EHMT2: variants seen among roughly 807,000 people sequenced by gnomAD.
The protein encoded by EHMT2 is histone-lysine N-methyltransferase EHMT2.
EHMT2 carries 59 observed loss-of-function variants against 143.3 expected under a neutral mutation model. That is an observed-to-expected ratio of 0.41 (90% CI 0.33 to 0.51). EHMT2 has a LOEUF of 0.51. Among genes scored for constraint, EHMT2 ranks in the 20% least tolerant of loss-of-function variants. EHMT2 has a pLI of 0.18. For missense variants in EHMT2, 1,174 were observed against 1,645.9 expected (o/e 0.71, Z 4.96); for synonymous variants, 604 against 651.5 (o/e 0.93, Z 1.11).
chr6:31,882,853 G>T, intron 24 of EHMT2, 41 bp downstream of exon 24: 1 of 1,611,748 alleles, frequency 6.2e-7, no homozygotes, highest in Non-Finnish European at 8.5e-7. Context: ...GGGAGGAAAG[G>T]GTGAGGTGGG....
chr6:31,887,950 C>T (rs141683580), exon 14 of EHMT2: 682 of 1,592,864 alleles, frequency 4.3e-4, no homozygotes, highest in Non-Finnish European at 5.6e-4. Flanking sequence ...CCCATGCCCT[C>T]GCATCCGGGC....
In EHMT2 at chr6:31,880,662, T is replaced by C. The variant is rs763131251; in HGVS notation, c.3452+11A>G. Reference sequence around the variant, plus strand: ...CCCTGGCAGAGCCCCTAGAGACCCCTAGAGTCTCACCCTAGCTCCTCCCCA... The same window carrying C: ...CCCTGGCAGAGCCCCTAGAGACCCCCAGAGTCTCACCCTAGCTCCTCCCCA... On this transcript the variant is annotated intron_variant, in intron 27 of 27. Transcript: ENST00000375537. The surrounding 1 kb of genome is among the most constrained non-coding windows in gnomAD (Gnocchi z 6.6). 2.5e-6 allele frequency: 4 copies of C among 1,612,966 alleles called. No homozygotes were observed. The highest frequency in any genetic ancestry group is 1.7e-5 in the Admixed American group (1 of 59,984).
intron 18 of EHMT2, chr6:31,886,121 A>C: frequency 6.3e-6 from 1 of 159,230 alleles, no homozygotes; most frequent in Non-Finnish European, 1.4e-5. Flanking sequence ...TAAAGGAAGC[A>C]GAGTTTCTTA....
chr6:31,894,199 T>G (rs1338363644), intron 4 of EHMT2, among the ~76,000 whole-genome samples: 1 of 151,642 alleles, frequency 6.6e-6, no homozygotes, highest in Non-Finnish European at 1.5e-5. Flanking sequence ...CAGGCTGGAG[T>G]GCAATGGCAG....
intron 4 of EHMT2, chr6:31,893,516 G>C: frequency 6.3e-6 from 2 of 318,748 alleles, no homozygotes; most frequent in Admixed American, 4.0e-5. Context: ...TGGTAGAGAA[G>C]AGGTCTTGCC....
At chr6:31,887,473 G>A in intron 15 of EHMT2, 104 bp downstream of exon 15, 1 of 1,007,144 alleles carries the variant, frequency 9.9e-7, no homozygotes, top group Non-Finnish European at 1.5e-6. Context: ...GTCCTTCAGG[G>A]CAAGGACTGT....
chr6:31,882,627 G>A, intron 25 of EHMT2, 72 bp downstream of exon 25: 1 of 1,436,338 alleles, frequency 7.0e-7, no homozygotes. Flanking sequence ...ATGGCTGAGA[G>A]GGAGGCCTGG....
chr6:31,885,008 C>A (rs762038923), exon 19 of EHMT2: 2 of 1,606,950 alleles, frequency 1.2e-6, no homozygotes, highest in Non-Finnish European at 1.7e-6. Flanking sequence ...GCGTCCACCC[C>A]CCACTGTCCT....
At chr6:31,891,805 ATTTCTTTTTTTGT>A (rs1765721616) in intron 7 of EHMT2, among the ~76,000 whole-genome samples, 1 of 152,100 alleles carries the variant, frequency 6.6e-6, no homozygotes, top group African/African-American at 2.4e-5. Flanking sequence ...CTTTCTGGTC[ATTTCTTTTTTTGT>A]TTTCTTTTTT....
At position 31,884,279 on chromosome 6, in the gene EHMT2, T is replaced by C. The variant is rs1764509337; in HGVS notation, c.2771+113A>G. On this transcript the variant is annotated intron_variant, in intron 21 of 27. Transcript: ENST00000375537. The surrounding 1 kb of genome is among the most constrained non-coding windows in gnomAD (Gnocchi z 7.3). ...GGGGGCCTGTGGGTGGTTCTGGGGA[T>C]TCAGTGGTGCATGGGGAGGGGTTGG... 1 of 1,286,940 alleles carries C rather than the reference T, an allele frequency of 7.8e-7. No individual in the cohort carries two copies. The highest frequency in any genetic ancestry group is 1.5e-5 in the African/African-American group (1 of 68,022). The allele number at this position is 1,286,940 out of a possible 1,614,324, so 79.7% of individuals were successfully genotyped here.
chr6:31,885,193 T>C, intron 18 of EHMT2, 177 bp from the exon 19 acceptor site: 1 of 832,614 alleles, frequency 1.2e-6, no homozygotes. Context: ...ATGGGACTAG[T>C]AGGGTCGGGC....
intron 18 of EHMT2, 147 bp from the exon 19 acceptor site, chr6:31,885,163 G>A (rs1022491058): frequency 2.1e-5 from 24 of 1,125,080 alleles, no homozygotes; most frequent in East Asian, 5.4e-5. Flanking sequence ...TCTCTGGGTC[G>A]CAGTTTCTTC....
Position 31,896,533 on chromosome 6 carries a change from C to G in EHMT2, c.329-17G>C. On this transcript the variant is annotated splice_polypyrimidine_tract_variant and intron_variant, in intron 3 of 27. Transcript: ENST00000375537. ...TGGCATGGCCTAGAAAACAGGCAAG[C>G]AAAAGGCAAGATAAGAAAGAAGGCA... 6.2e-7 allele frequency: 1 copy of G among 1,611,220 alleles called. No homozygotes were observed. The highest frequency in any genetic ancestry group is 8.5e-7 in the Non-Finnish European group (1 of 1,178,998).
chr6:31,880,341 GCTCC>G lies in EHMT2; in HGVS notation c.3453-81_3453-78del, dbSNP rs1304311299. ...CCACCCCGAAGACCCTGTGGATCCTGCTCCCTGAGAGGGACCCGACACCCAACCT... is the reference window on the plus strand; with the variant it reads ...CCACCCCGAAGACCCTGTGGATCCTGCTGAGAGGGACCCGACACCCAACCT... On this transcript the variant is annotated intron_variant, in intron 27 of 27. Transcript: ENST00000375537. This position sits in a 1 kb window ranked among gnomAD's most constrained non-coding sequence, Gnocchi z 6.6. 5.9e-6 allele frequency: 9 copies of G among 1,527,542 alleles called. No homozygotes were observed. In the African/African-American group the frequency reaches 1.2e-4, roughly 21 times the overall value. 94.6% of individuals were successfully genotyped at this position (1,527,542 alleles called of 1,614,324 possible). A position where few individuals can be genotyped will look rare whatever the true frequency, so the allele number is the denominator to read the frequency against.
In EHMT2 at chr6:31,883,216, G is replaced by C; in HGVS notation, c.2994+146C>G. The C allele has an allele frequency of 1.1e-6, 1 of 944,984 alleles. No individual in the cohort carries two copies. Among genetic ancestry groups the C allele is most frequent in the East Asian group, 2.6e-5 (1 of 38,080 alleles). 58.5% of individuals were successfully genotyped at this position (944,984 alleles called of 1,614,324 possible). ...CCATCGCTGTCCCAGCCACATCCCAGGATTCCCAGGCCTTGCCCAGTCCTC... is the reference window on the plus strand; with the variant it reads ...CCATCGCTGTCCCAGCCACATCCCACGATTCCCAGGCCTTGCCCAGTCCTC... On this transcript the variant is annotated intron_variant, in intron 23 of 27. Coordinates refer to ENST00000375537, the Ensembl canonical transcript of EHMT2. This position sits in a 1 kb window ranked among gnomAD's most constrained non-coding sequence, Gnocchi z 5.6.
Position 31,888,930 on chromosome 6 carries a change from G to A in EHMT2, c.1216+39C>T, listed in dbSNP as rs758514903. 13 of 1,553,206 alleles carry A rather than the reference G, an allele frequency of 8.4e-6. No individual in the cohort carries two copies. Among genetic ancestry groups the A allele is most frequent in the African/African-American group, 1.4e-5 (1 of 73,602 alleles). On this transcript the variant is annotated intron_variant, in intron 10 of 27. Transcript: ENST00000375537. This position sits in a 1 kb window ranked among gnomAD's most constrained non-coding sequence, Gnocchi z 7.4. ...TCCCTTTCCCTCCTGCCCTGAGGTC[G>A]CCCCCTAGTGGCTCCCTGTCCCGGC... is the stretch of plus-strand genomic sequence containing the variant.
chr6:31,897,182 C>T, intron 1 of EHMT2, 193 bp from the exon 2 acceptor site: 4 of 1,302,396 alleles, frequency 3.1e-6, no homozygotes, highest in Non-Finnish European at 3.9e-6. Context: ...TCAACCCCCT[C>T]CCTCTCGGTA....
At chr6:31,879,816 C>T (rs772985988) in exon 28 of EHMT2, 4 of 515,850 alleles carry the variant, frequency 7.8e-6, no homozygotes, top group East Asian at 2.9e-5. Context: ...CATAGAGGCC[C>T]GACTTCAATT....
In EHMT2 at chr6:31,884,754, C is replaced by T. The variant is rs911107582; in HGVS notation, c.2494G>A (p.Ala832Thr). The change falls in exon 20 of 28, where the codon GCC becomes ACC. Residue 832 changes from alanine (A) to threonine (T), a missense_variant. Coordinates refer to ENST00000375537, the Ensembl canonical transcript of EHMT2. This position sits in a 1 kb window ranked among gnomAD's most constrained non-coding sequence, Gnocchi z 7.3. ...GCATTCAGAAGGACTTCGGCGATGG[C>T]GGCGCTGCCCGTGAAGGAGGCCCAG... 6.9e-6 allele frequency: 11 copies of T among 1,600,764 alleles called. No homozygotes were observed. The highest frequency in any genetic ancestry group is 1.3e-5 in the African/African-American group (1 of 74,464).
Sources: gnomAD v4.1 joint callset for allele counts (sites outside exome capture counted in the v4.1 genomes callset) on GRCh38, gnomAD v4.1.1 for gene constraint, Gnocchi (gnomAD v3.1) non-coding constraint, MANE v1.5 for transcripts, NCBI Gene and HGNC (gene_info 2026-07-23, HGNC 2026-07-21) for gene names.